MYO7A: variants seen among roughly 807,000 people sequenced by gnomAD.
MYO7A encodes unconventional myosin-VIIa.
A neutral mutation model predicts 263.8 loss-of-function variants in MYO7A; 210 were observed. The observed-to-expected ratio is 0.80, with a 90% CI of 0.71 to 0.89. MYO7A has a LOEUF of 0.89. Ranked by LOEUF, MYO7A falls within the 40% of genes least tolerant of loss-of-function variation. The pLI, the probability that MYO7A is intolerant of heterozygous loss-of-function variation, is 0.00. For missense variants in MYO7A, 2,820 were observed against 2,968.3 expected (o/e 0.95, Z 1.16); for synonymous variants, 1,239 against 1,197.3 (o/e 1.03, Z -0.72).
At chr11:77,156,821 C>A (rs781924443) in intron 6 of MYO7A, 40 bp downstream of exon 6, 4 of 1,613,726 alleles carry the variant, frequency 2.5e-6, no homozygotes, top group Non-Finnish European at 2.5e-6. Context: ...GGCAGTGGGG[C>A]GGGAGCGGGC....
In MYO7A at chr11:77,206,127, G is replaced by C. The variant is rs747516555; in HGVS notation, c.5667G>C (p.Leu1889=). Residue 1889 remains leucine (L), a synonymous_variant, in exon 41 of 49, where the codon CTG becomes CTC. Coordinates refer to ENST00000409709, the MANE Select transcript of MYO7A (RefSeq NM_000260.4). ...RNGSRKYPPH[L]VEVEAIQHKT... is the part of the protein sequence containing the mutation. ...GGTCCCGGAAGTACCCTCCGCACCT[G>C]GTGGAGGTGGAGGCCATCCAGCACA... 6.2e-7 allele frequency: 1 copy of C among 1,613,326 alleles called. No individual in the cohort carries two copies.
chr11:77,169,687 C>T (rs1411566229), intron 15 of MYO7A, among the ~76,000 whole-genome samples: 3 of 152,102 alleles, frequency 2.0e-5, no homozygotes, highest in African/African-American at 7.2e-5. Flanking sequence ...TACTATATGC[C>T]AGGCATTGTC....
Position 77,156,705 on chromosome 11 carries a change from G to A in MYO7A, c.516G>A (p.Leu172=). The A allele has an allele frequency of 1.9e-6, 3 of 1,613,988 alleles. No homozygotes were observed. The highest frequency in any genetic ancestry group is 2.5e-6 in the Non-Finnish European group (3 of 1,179,894). Residue 172 remains leucine (L), a synonymous_variant, in exon 6 of 49, where the codon CTG becomes CTA. Coordinates refer to ENST00000409709, the MANE Select transcript of MYO7A (RefSeq NM_000260.4). ...AGKTESTKLI[L]QFLAAISGQH... ...AGACGGAGAGCACAAAGCTGATCCT[G>A]CAGTTCCTGGCAGCCATCAGTGGGC...
At chr11:77,131,720 C>G (rs1043077364) in intron 2 of MYO7A, among the ~76,000 whole-genome samples, 1 of 152,332 alleles carries the variant, frequency 6.6e-6, no homozygotes, top group Admixed American at 6.5e-5. Context: ...CCTCTGAACG[C>G]TGACCCACCT....
At chr11:77,195,196 G>A (rs1956549768) in intron 32 of MYO7A, among the ~76,000 whole-genome samples, 1 of 152,110 alleles carries the variant, frequency 6.6e-6, no homozygotes, top group Non-Finnish European at 1.5e-5. Context: ...CGGGAGCCCT[G>A]TGCCACCCTC....
rs369195493 is a variant in MYO7A at position 77,172,796 on chromosome 11, C to A, written c.1846C>A (p.Arg616=). ...RSPTLSSQFK[R]SLELLMRTLG... is the part of the protein sequence containing the mutation. The stretch of plus-strand genomic sequence containing the variant: ...GCCCACACTTAGCAGCCAGTTCAAG[C>A]GGTCACTGGAGCTGCTGATGCGCAC... Residue 616 remains arginine, a synonymous_variant, in exon 16 of 49, where the codon CGG becomes AGG. Transcript: ENST00000409709. 2 of 1,559,076 alleles carry A rather than the reference C, an allele frequency of 1.3e-6. No individual in the cohort carries two copies. The highest frequency in any genetic ancestry group is 1.7e-6 in the Non-Finnish European group (2 of 1,151,760).
chr11:77,197,568 T>C lies in MYO7A; in HGVS notation c.4411T>C (p.Ser1471Pro), dbSNP rs397516310. The C allele has an allele frequency of 1.2e-6, 2 of 1,603,988 alleles. No homozygotes were observed. The highest frequency in any genetic ancestry group is 1.7e-6 in the Non-Finnish European group (2 of 1,175,180). ...CCGCTTCAAGTGGCCCTTGCTCTTC[T>C]CCAGGTTTTATGAAGCCTACAAATT... The part of the protein sequence containing the change: ...YARFKWPLLF[S>P]RFYEAYKFSG... The change falls in exon 33 of 49, where the codon TCC becomes CCC. Residue 1471 changes from serine to proline, a missense_variant. Transcript: ENST00000409709.
chr11:77,184,298 A>T (rs1955498190), intron 26 of MYO7A, among the ~76,000 whole-genome samples: 1 of 150,748 alleles, frequency 6.6e-6, no homozygotes, highest in Non-Finnish European at 1.5e-5. Flanking sequence ...GGCTGAGAGG[A>T]CCTCCCTGGG....
chr11:77,181,769 T>C (rs1203688404), intron 23 of MYO7A, among the ~76,000 whole-genome samples, 180 bp downstream of exon 23: 1 of 35,580 alleles, frequency 2.8e-5, no homozygotes, highest in Non-Finnish European at 5.9e-5. Context: ...CTTCTCAAGT[T>C]TTTTTTTTTG....
In MYO7A at chr11:77,154,104, A is replaced by T. The variant is rs368806269; in HGVS notation, c.286-1803A>T. ...CACCCAGCCTGGGCGACAGAGCGAG[A>T]CTCTGCCTCAAAAGAGAGAAAGGAA... On this transcript the variant is annotated intron_variant, in intron 4 of 48. Transcript: ENST00000409709. Among the ~76,000 whole-genome samples the T allele has an allele frequency of 7.2e-5, 11 of 152,226 alleles. No homozygotes were observed. The East Asian group carries it at 1.4e-3, about 19-fold the overall frequency.
intron 15 of MYO7A, among the ~76,000 whole-genome samples, chr11:77,169,279 G>A (rs1253827474): frequency 2.6e-5 from 4 of 152,224 alleles, no homozygotes; most frequent in Non-Finnish European, 2.9e-5. Context: ...TGGGGCAGCC[G>A]TGGGCAGCCC....
At chr11:77,175,040 G>A (rs1431980735) in intron 17 of MYO7A, 126 bp downstream of exon 17, 12 of 1,208,234 alleles carry the variant, frequency 9.9e-6, no homozygotes, top group South Asian at 6.0e-5. Flanking sequence ...GGTGCAGCAC[G>A]GAAAATTGGG....
In MYO7A at chr11:77,132,292, G is replaced by A. The variant is rs1436054597; in HGVS notation, c.18+1640G>A. 3.3e-5 allele frequency among the ~76,000 whole-genome samples: 5 copies of A among 152,046 alleles called. No individual in the cohort carries two copies. In the East Asian group the frequency reaches 9.7e-4, roughly 29 times the overall value. On this transcript the variant is annotated intron_variant, in intron 2 of 48. Coordinates refer to ENST00000409709, the MANE Select transcript of MYO7A (RefSeq NM_000260.4). ...TACCTGGGGCTTCCTGATGAGCCCT[G>A]GACATGAGGGACAGCCTTCATCCCA...
At position 77,191,882 on chromosome 11, in the gene MYO7A, C is replaced by T. The variant is rs7952285; in HGVS notation, c.3925-169C>T. Among the ~76,000 whole-genome samples the T allele has an allele frequency of 0.62, 94,072 of 152,144 alleles. 30,372 individuals carry two copies. The highest frequency in any genetic ancestry group is 0.81 in the African/African-American group (33,478 of 41,532). On this transcript the variant is annotated intron_variant, in intron 30 of 48. Transcript: ENST00000409709. ...GGCTAGGAAGGCAATGGTGGGGGTG[C>T]GGCTTAGAGCCCAGGGCTAGAATCT...
At chr11:77,205,352 C>G (rs1044833839) in intron 39 of MYO7A, 110 bp from the exon 40 acceptor site, 9 of 1,306,774 alleles carry the variant, frequency 6.9e-6, no homozygotes, top group Admixed American at 6.6e-5. Flanking sequence ...AGGGACGGTG[C>G]TGCTGTGATG....
In MYO7A at chr11:77,213,907, CG is replaced by C; in HGVS notation, c.6488del (p.Gly2163AlafsTer32). ...PFTKISNWSS[G>X]NTYFHITIGN... ...TCACCAAGATCTCCAACTGGAGCAGCGGCAACACCTACTTCCACATCACCAT... is the reference window on the plus strand; with the variant it reads ...TCACCAAGATCTCCAACTGGAGCAGCGCAACACCTACTTCCACATCACCAT... On this transcript the variant is annotated frameshift_variant, in exon 48 of 49. Transcript: ENST00000409709. LOFTEE classifies it high-confidence loss of function. The C allele has an allele frequency of 6.2e-7, 1 of 1,614,060 alleles. No individual in the cohort carries two copies. Among genetic ancestry groups the C allele is most frequent in the Non-Finnish European group, 8.5e-7 (1 of 1,179,900 alleles).
chr11:77,194,128 G>A (rs780652649), intron 31 of MYO7A: 1 of 695,188 alleles, frequency 1.4e-6, no homozygotes, highest in South Asian at 1.5e-5. Context: ...AGTGCCAGAG[G>A]GATCCAGGAG....
At chr11:77,162,358 G>T in intron 13 of MYO7A, 28 bp downstream of exon 13, 1 of 1,546,380 alleles carries the variant, frequency 6.5e-7, no homozygotes, top group Non-Finnish European at 8.7e-7. Context: ...CCGCCTCCCA[G>T]GGTCTTGGGT....
intron 15 of MYO7A, among the ~76,000 whole-genome samples, chr11:77,171,236 GTGTGTGTGT>G (rs1180402795): frequency 1.3e-5 from 2 of 152,172 alleles, no homozygotes; most frequent in African/African-American, 4.8e-5. Flanking sequence ...TGCTGAGGTT[GTGTGTGTGT>G]TGTGTGTGTG....
Sources: gnomAD v4.1 joint callset for allele counts (sites outside exome capture counted in the v4.1 genomes callset) on GRCh38, gnomAD v4.1.1 for gene constraint, MANE v1.5 for transcripts, NCBI Gene and HGNC (gene_info 2026-07-23, HGNC 2026-07-21) for gene names.